Variants in ACRBP observed in about 807,000 individuals in gnomAD.
The protein encoded by ACRBP is acrosin binding protein, also known as acrosin-binding protein.
Under a neutral mutation model 69.0 loss-of-function variants are expected in ACRBP, and 52 were observed. The ratio of observed to expected loss-of-function variants is 0.75; its 90% CI spans 0.60 to 0.95. The LOEUF (loss-of-function observed/expected upper bound fraction) is 0.95. Among genes scored for constraint, ACRBP ranks in the 40% least tolerant of loss-of-function variants. The pLI, the probability that ACRBP is intolerant of heterozygous loss-of-function variation, is 0.00. For missense variants in ACRBP, 604 were observed against 673.0 expected (o/e 0.90, Z 1.13); for synonymous variants, 267 against 258.9 (o/e 1.03, Z -0.30).
At position 6,647,410 on chromosome 12, in the gene ACRBP, C is replaced by T; in HGVS notation, c.-44G>A. 2.0e-6 allele frequency: 3 copies of T among 1,494,150 alleles called. No homozygotes were observed. The highest frequency in any genetic ancestry group is 2.7e-6 in the Non-Finnish European group (3 of 1,118,790). The allele number at this position is 1,494,150 out of a possible 1,614,324, so 92.6% of individuals were successfully genotyped here. On this transcript the variant is annotated 5_prime_UTR_variant, in exon 1 of 10. Coordinates refer to ENST00000229243, the MANE Select transcript of ACRBP (RefSeq NM_032489.3). The stretch of plus-strand genomic sequence containing the variant: ...CGCGTCCCGTGGACACAAGCCGCCT[C>T]TAACGGGCCAAGCCGCAGAGAGAGC...
At position 6,647,426 on chromosome 12, in the gene ACRBP, C is replaced by T. The variant is rs1949100019; in HGVS notation, c.-60G>A. On this transcript the variant is annotated 5_prime_UTR_variant, in exon 1 of 10. Transcript: ENST00000229243. Reference sequence around the variant, plus strand: ...AAGCCGCCTCTAACGGGCCAAGCCGCAGAGAGAGCCGCAGGCGCGGGGCGG... The same window carrying T: ...AAGCCGCCTCTAACGGGCCAAGCCGTAGAGAGAGCCGCAGGCGCGGGGCGG... The T allele has an allele frequency of 6.9e-7, 1 of 1,457,184 alleles. No individual in the cohort carries two copies. The highest frequency in any genetic ancestry group is 9.1e-7 in the Non-Finnish European group (1 of 1,095,004). 90.3% of individuals were successfully genotyped at this position (1,457,184 alleles called of 1,614,324 possible). A position where few individuals can be genotyped will look rare whatever the true frequency, so the allele number is the denominator to read the frequency against.
Position 6,640,594 on chromosome 12 carries a change from A to G in ACRBP, c.1078-72T>C. 6.6e-7 allele frequency: 1 copy of G among 1,517,392 alleles called. No individual in the cohort carries two copies. The highest frequency in any genetic ancestry group is 9.0e-7 in the Non-Finnish European group (1 of 1,116,600). 94.0% of individuals were successfully genotyped at this position (1,517,392 alleles called of 1,614,324 possible). ...GCCTTCTCCCATGCCTCAGCCCTCC[A>G]GGGTGGGCCCTGCAGAATGTCTTTG... On this transcript the variant is annotated intron_variant, in intron 6 of 9. Transcript: ENST00000229243. The surrounding 1 kb of genome is among the most constrained non-coding windows in gnomAD (Gnocchi z 5.3).
In ACRBP at chr12:6,646,490, T is replaced by C. The variant is rs1208165075; in HGVS notation, c.350A>G (p.Tyr117Cys). The C allele has an allele frequency of 5.0e-6, 8 of 1,613,918 alleles. No individual in the cohort carries two copies. Among genetic ancestry groups the C allele is most frequent in the Non-Finnish European group, 6.8e-6 (8 of 1,179,882 alleles). ...THYRCSNHVY[Y>C]AKRVLCSQPV... ...CTTTGTCCTGGGCCTCACCTTGGCA[T>C]AGTAGACGTGGTTGGAGCAACGGTA... Residue 117 changes from tyrosine to cysteine, a missense_variant, in exon 3 of 10, where the codon TAT (tyrosine) becomes TGT (cysteine). Transcript: ENST00000229243.
chr12:6,643,678 G>A lies in ACRBP; in HGVS notation c.945-7C>T. On this transcript the variant is annotated splice_polypyrimidine_tract_variant and splice_region_variant and intron_variant, in intron 5 of 9. Transcript: ENST00000229243. ...GTGGGGCAGCTGCAGGAGGCTGCAAGAAGACAGCACTGAGGGTGGGGCTGG... is the reference window on the plus strand; with the variant it reads ...GTGGGGCAGCTGCAGGAGGCTGCAAAAAGACAGCACTGAGGGTGGGGCTGG... 6.2e-7 allele frequency: 1 copy of A among 1,613,660 alleles called. No individual in the cohort carries two copies. Among genetic ancestry groups the A allele is most frequent in the Non-Finnish European group, 8.5e-7 (1 of 1,179,684 alleles).
chr12:6,645,817 C>G (rs375471181), intron 3 of ACRBP, among the ~76,000 whole-genome samples: 3 of 147,916 alleles, frequency 2.0e-5, no homozygotes, highest in Non-Finnish European at 3.0e-5. Context: ...CCTGCCACCA[C>G]GCCCAGCTAA....
intron 2 of ACRBP, 72 bp downstream of exon 2, chr12:6,646,722 A>G: frequency 6.3e-7 from 1 of 1,576,552 alleles, no homozygotes; most frequent in Non-Finnish European, 8.7e-7. Context: ...TCACATGAGC[A>G]CAGGGGTTTT....
rs1949099708 is a variant in ACRBP at position 6,647,399 on chromosome 12, A to ACAAGCCGCCTCTAACGGGC, written c.-52_-34dup. The stretch of plus-strand genomic sequence containing the variant: ...GAAGATCCGCCCGCGTCCCGTGGAC[A>ACAAGCCGCCTCTAACGGGC]CAAGCCGCCTCTAACGGGCCAAGCC... On this transcript the variant is annotated 5_prime_UTR_variant, in exon 1 of 10. Coordinates refer to ENST00000229243, the MANE Select transcript of ACRBP (RefSeq NM_032489.3). 1.3e-6 allele frequency: 2 copies of ACAAGCCGCCTCTAACGGGC among 1,501,646 alleles called. No homozygotes were observed. The highest frequency in any genetic ancestry group is 1.8e-6 in the Non-Finnish European group (2 of 1,123,386). The allele number at this position is 1,501,646 out of a possible 1,614,324, so 93.0% of individuals were successfully genotyped here. A position where few individuals can be genotyped will look rare whatever the true frequency, so the allele number is the denominator to read the frequency against.
chr12:6,638,117 G>T lies in ACRBP; in HGVS notation c.*165C>A. 2.2e-6 allele frequency: 2 copies of T among 896,526 alleles called. No homozygotes were observed. Among genetic ancestry groups the T allele is most frequent in the Non-Finnish European group, 3.4e-6 (2 of 590,378 alleles). 55.5% of individuals were successfully genotyped at this position (896,526 alleles called of 1,614,324 possible). On this transcript the variant is annotated 3_prime_UTR_variant, in exon 10 of 10. Transcript: ENST00000229243. ...TGTAAAGTCATCTTTTAAGGAGGGC[G>T]CAGCTCCCACCGTGGCCCTCTCTGG...
In ACRBP at chr12:6,646,870, G is replaced by A. The variant is rs930508082; in HGVS notation, c.186C>T (p.Leu62=). 2 of 1,614,202 alleles carry A rather than the reference G, an allele frequency of 1.2e-6. No homozygotes were observed. The highest frequency in any genetic ancestry group is 1.7e-6 in the Non-Finnish European group (2 of 1,180,044). The part of the protein sequence containing the change: ...PTWKAETTCR[L]RATHGCRNPT... ...GATTCCGGCAGCCGTGGGTTGCACG[G>A]AGACGGCAGGTAGTCTCTGCCTTCC... Residue 62 remains leucine, a synonymous_variant, in exon 2 of 10, where the codon CTC becomes CTT. Coordinates refer to ENST00000229243, the MANE Select transcript of ACRBP (RefSeq NM_032489.3).
In ACRBP at chr12:6,644,126, A is replaced by G. The variant is rs1273328854; in HGVS notation, c.944+11T>C. ...GGGCAGGGTGGATGACAGAGTCAAA[A>G]CTTCCTATACCTGCCAGGGTTTTGG... On this transcript the variant is annotated intron_variant, in intron 5 of 9. Transcript: ENST00000229243. 6.4e-7 allele frequency: 1 copy of G among 1,552,834 alleles called. No individual in the cohort carries two copies. Among genetic ancestry groups the G allele is most frequent in the Admixed American group, 1.9e-5 (1 of 51,438 alleles).
Position 6,646,982 on chromosome 12 carries a change from G to C in ACRBP, c.74C>G (p.Ala25Gly), listed in dbSNP as rs1189623022. The stretch of plus-strand genomic sequence containing the variant: ...AGTGGAGGCCTGAGTCGAATCCTGG[G>C]CTGCGGCAGGTGCCAGAGGCAGGAG... ...VLLLPLAPAA[A>G]QDSTQASTPG... The change falls in exon 2 of 10, where the codon GCC (alanine) becomes GGC (glycine). Residue 25 changes from alanine to glycine, a missense_variant. Physicochemically the swap from Ala to Gly is moderately conservative, Grantham distance 60. This residue lies in a region of ACRBP where 532 missense variants were observed against 562.9 expected (regional missense o/e 0.95). Coordinates refer to ENST00000229243, the MANE Select transcript of ACRBP (RefSeq NM_032489.3). 2 of 1,611,748 alleles carry C rather than the reference G, an allele frequency of 1.2e-6. No individual in the cohort carries two copies. Among genetic ancestry groups the C allele is most frequent in the Non-Finnish European group, 8.5e-7 (1 of 1,179,928 alleles).
chr12:6,645,493 A>G (rs1949080993), intron 3 of ACRBP, among the ~76,000 whole-genome samples, 156 bp from the exon 4 acceptor site: 1 of 152,128 alleles, frequency 6.6e-6, no homozygotes, highest in African/African-American at 2.4e-5. Flanking sequence ...GACCTGAGAA[A>G]GGGTCCCTTC....
At chr12:6,646,765 C>T in intron 2 of ACRBP, 29 bp downstream of exon 2, 2 of 1,612,196 alleles carry the variant, frequency 1.2e-6, no homozygotes, top group Non-Finnish European at 1.7e-6. Context: ...CTCTGGGTGC[C>T]TCGGTTTCCC....
In ACRBP at chr12:6,647,415, G is replaced by C. The variant is rs923211259; in HGVS notation, c.-49C>G. On this transcript the variant is annotated 5_prime_UTR_variant, in exon 1 of 10. Transcript: ENST00000229243. ...CCCGTGGACACAAGCCGCCTCTAAC[G>C]GGCCAAGCCGCAGAGAGAGCCGCAG... 2.4e-5 allele frequency: 36 copies of C among 1,480,282 alleles called. No individual in the cohort carries two copies. The highest frequency in any genetic ancestry group is 4.3e-5 in the African/African-American group (3 of 69,668). The allele number at this position is 1,480,282 out of a possible 1,614,324, so 91.7% of individuals were successfully genotyped here.
At chr12:6,646,279 T>C (rs1194089379) in intron 3 of ACRBP, among the ~76,000 whole-genome samples, 1 of 152,152 alleles carries the variant, frequency 6.6e-6, no homozygotes, top group African/African-American at 2.4e-5. Context: ...GTCTCTTCTC[T>C]ACTTTTCTTG....
chr12:6,644,890 T>C (rs996591045), intron 4 of ACRBP, among the ~76,000 whole-genome samples: 1 of 152,162 alleles, frequency 6.6e-6, no homozygotes, highest in Non-Finnish European at 1.5e-5. Flanking sequence ...AAACACCAAG[T>C]ATGCTGAGTA....
At position 6,640,467 on chromosome 12, in the gene ACRBP, C is replaced by G; in HGVS notation, c.1133G>C (p.Cys378Ser). 2 of 1,614,098 alleles carry G rather than the reference C, an allele frequency of 1.2e-6. No individual in the cohort carries two copies. The highest frequency in any genetic ancestry group is 1.7e-6 in the Non-Finnish European group (2 of 1,180,002). ...GTGGCACTGCTCCAGCTTCAAGGAG[C>G]AGAAGTCACAGAGGGCACAGGTAGA... ...HMSTCALCDF[C>S]SLKLEQCHSE... Residue 378 changes from cysteine (C) to serine (S), a missense_variant, in exon 7 of 10, where the codon TGC (cysteine) becomes TCC (serine). By Grantham distance (112) the Cys-to-Ser change is moderately radical. Coordinates refer to ENST00000229243, the MANE Select transcript of ACRBP (RefSeq NM_032489.3). The surrounding 1 kb of genome is among the most constrained non-coding windows in gnomAD (Gnocchi z 5.3).
At chr12:6,642,247 C>T (rs1052756174) in intron 6 of ACRBP, among the ~76,000 whole-genome samples, 4 of 152,076 alleles carry the variant, frequency 2.6e-5, no homozygotes, top group African/African-American at 9.7e-5. Flanking sequence ...GAGTTTGTCC[C>T]CAATCAGTAT....
chr12:6,646,998 G>A lies in ACRBP; in HGVS notation c.58C>T (p.Leu20=). Residue 20 remains leucine (L), a synonymous_variant, in exon 2 of 10, where the codon CTG becomes TTG. Coordinates refer to ENST00000229243, the MANE Select transcript of ACRBP (RefSeq NM_032489.3). ...PSLLKVLLLP[L]APAAAQDSTQ... ...GAATCCTGGGCTGCGGCAGGTGCCA[G>A]AGGCAGGAGCAGCACTGCGGAGCGG... 1 of 1,610,332 alleles carries A rather than the reference G, an allele frequency of 6.2e-7. No homozygotes were observed. The highest frequency in any genetic ancestry group is 8.5e-7 in the Non-Finnish European group (1 of 1,179,940).
Sources: gnomAD v4.1 joint callset for allele counts (sites outside exome capture counted in the v4.1 genomes callset) on GRCh38, gnomAD v4.1.1 for gene constraint, gnomAD v4.1.1 regional missense constraint, Gnocchi (gnomAD v3.1) non-coding constraint, MANE v1.5 for transcripts, NCBI Gene and HGNC (gene_info 2026-07-23, HGNC 2026-07-21) for gene names.